CACNA1C: variants seen among roughly 807,000 people sequenced by gnomAD.
CACNA1C encodes the protein calcium voltage-gated channel subunit alpha1 C.
A neutral mutation model predicts 229.0 loss-of-function variants in CACNA1C; 30 were observed. That is an observed-to-expected ratio of 0.13 (90% CI 0.10 to 0.18). The LOEUF (loss-of-function observed/expected upper bound fraction) is 0.18, where lower values mean the gene tolerates loss of function less well. Among genes scored for constraint, CACNA1C ranks in the 10% least tolerant of loss-of-function variants. The pLI is 1.00. For missense variants in CACNA1C, 1,658 were observed against 2,845.0 expected (o/e 0.58, Z 9.49); for synonymous variants, 1,114 against 1,132.5 (o/e 0.98, Z 0.33).
chr12:2,093,193 G>T (rs1389277444), intron 1 of CACNA1C, among the ~76,000 whole-genome samples: 1 of 152,224 alleles, frequency 6.6e-6, no homozygotes. Flanking sequence ...GAGAGTGTAC[G>T]TGGGTATGTG....
chr12:2,410,722 G>A lies in CACNA1C; in HGVS notation c.478-38254G>A, dbSNP rs1057156479. Among the ~76,000 whole-genome samples the A allele has an allele frequency of 1.1e-4, 17 of 148,766 alleles. No homozygotes were observed. The highest frequency in any genetic ancestry group is 4.0e-4 in the African/African-American group (16 of 40,470). On this transcript the variant is annotated intron_variant, in intron 3 of 46. Transcript: ENST00000399655. The surrounding 1 kb of genome is among the most constrained non-coding windows in gnomAD (Gnocchi z 5.3). ...CCTGTGTGTGTGTGTGTGCGTGCACGCATGTGTGTGTGTGCATGCGTGTGT... is the reference window on the plus strand; with the variant it reads ...CCTGTGTGTGTGTGTGTGCGTGCACACATGTGTGTGTGTGCATGCGTGTGT...
At chr12:2,066,884 C>G (rs971306542) in intron 1 of CACNA1C, among the ~76,000 whole-genome samples, 1 of 151,724 alleles carries the variant, frequency 6.6e-6, no homozygotes, top group Non-Finnish European at 1.5e-5. Context: ...GGGCCTCGGG[C>G]AGGGGTGCTG....
chr12:2,090,221 A>C (rs1448630237), intron 1 of CACNA1C, among the ~76,000 whole-genome samples: 1 of 151,698 alleles, frequency 6.6e-6, no homozygotes, highest in East Asian at 1.9e-4. Context: ...ACGTAGCATA[A>C]TGGACTGAAA....
In CACNA1C at chr12:2,679,440, A is replaced by G. The variant is rs764167894; in HGVS notation, c.5092-4A>G. 5.2e-6 allele frequency: 8 copies of G among 1,537,310 alleles called. No individual in the cohort carries two copies. In the East Asian group the frequency reaches 1.9e-4, roughly 36 times the overall value. Reference sequence around the variant, plus strand: ...CTCCACCCACCCCTCCTTCTTGCCTACAGAGGGCCGGTGGCCTGTTCGGCA... The same window carrying G: ...CTCCACCCACCCCTCCTTCTTGCCTGCAGAGGGCCGGTGGCCTGTTCGGCA... On this transcript the variant is annotated splice_polypyrimidine_tract_variant and splice_region_variant and intron_variant, in intron 41 of 46. Transcript: ENST00000399655. The surrounding 1 kb of genome is among the most constrained non-coding windows in gnomAD (Gnocchi z 5.5).
At chr12:2,274,504 G>T (rs2086781889) in intron 3 of CACNA1C, among the ~76,000 whole-genome samples, 1 of 152,234 alleles carries the variant, frequency 6.6e-6, no homozygotes, top group Non-Finnish European at 1.5e-5. Flanking sequence ...CTGCTCTGGT[G>T]AGACTTGTGA....
rs1460781654 is a variant in CACNA1C, at chr12:2,647,822, T to TA, written c.3913-647dup. On this transcript the variant is annotated intron_variant, in intron 30 of 46. Coordinates refer to ENST00000399655, the MANE Select transcript of CACNA1C (RefSeq NM_000719.7). The surrounding 1 kb of genome is among the most constrained non-coding windows in gnomAD (Gnocchi z 4.2). The stretch of plus-strand genomic sequence containing the variant: ...GTCCTCATAGGTTAACAATGGCTAA[T>TA]AAAAAACAAATTAAAACAGGCTTGG... Among the ~76,000 whole-genome samples, 11 of 151,884 alleles carry TA rather than the reference T, an allele frequency of 7.2e-5. No individual in the cohort carries two copies. The highest frequency in any genetic ancestry group is 2.7e-4 in the African/African-American group (11 of 41,282).
chr12:2,116,371 C>CTTTT (rs869196313), intron 2 of CACNA1C, among the ~76,000 whole-genome samples: 1 of 136,826 alleles, frequency 7.3e-6, no homozygotes, highest in South Asian at 2.3e-4. Context: ...TTGGGAAGGA[C>CTTTT]TTTTTTTTTT....
intron 3 of CACNA1C, among the ~76,000 whole-genome samples, chr12:2,443,005 A>G (rs2099243566): frequency 6.6e-6 from 1 of 152,078 alleles, no homozygotes; most frequent in African/African-American, 2.4e-5. Context: ...CCTTCTCCCA[A>G]ATCTCATGTC....
chr12:2,418,881 G>T (rs986684559), intron 3 of CACNA1C, among the ~76,000 whole-genome samples: 4 of 152,162 alleles, frequency 2.6e-5, no homozygotes, highest in African/African-American at 9.7e-5. Context: ...GGGATTGGGA[G>T]CTGAGGGGTT....
chr12:2,687,841 G>T (rs926911971), intron 45 of CACNA1C, among the ~76,000 whole-genome samples: 1 of 152,182 alleles, frequency 6.6e-6, no homozygotes, highest in Non-Finnish European at 1.5e-5. Context: ...TCCCAGCCCT[G>T]AATCTTTTAA....
At chr12:2,076,397 T>C (rs2063198911) in intron 1 of CACNA1C, among the ~76,000 whole-genome samples, 1 of 152,170 alleles carries the variant, frequency 6.6e-6, no homozygotes, top group South Asian at 2.1e-4. Context: ...ATAAAGGGGC[T>C]CGTACACATA....
At chr12:2,321,935 A>T (rs1173321183) in intron 3 of CACNA1C, among the ~76,000 whole-genome samples, 1 of 152,226 alleles carries the variant, frequency 6.6e-6, no homozygotes, top group Non-Finnish European at 1.5e-5. Context: ...ACATCAGAGA[A>T]TCTTCCACCT....
At chr12:2,481,961 A>T (rs1302638260) in intron 5 of CACNA1C, among the ~76,000 whole-genome samples, 4 of 152,276 alleles carry the variant, frequency 2.6e-5, no homozygotes, top group Admixed American at 2.0e-4. Context: ...AGCATGGCCT[A>T]TCTGAGAACA....
chr12:2,577,753 CT>C (rs2058953632), intron 13 of CACNA1C, among the ~76,000 whole-genome samples: 1 of 152,218 alleles, frequency 6.6e-6, no homozygotes, highest in Non-Finnish European at 1.5e-5. Flanking sequence ...TCATCACCTG[CT>C]TTGGGCCAGG....
chr12:2,458,421 C>A (rs1294830778), intron 5 of CACNA1C, among the ~76,000 whole-genome samples: 1 of 152,232 alleles, frequency 6.6e-6, no homozygotes, highest in African/African-American at 2.4e-5. Flanking sequence ...TGGCTTCAGG[C>A]CCCCTGGGAA....
At chr12:2,469,367 G>A (rs1251174603) in intron 5 of CACNA1C, among the ~76,000 whole-genome samples, 7 of 152,346 alleles carry the variant, frequency 4.6e-5, no homozygotes, top group African/African-American at 1.7e-4. Context: ...CGAGCCACCA[G>A]TCCGTTTCTT....
intron 29 of CACNA1C, among the ~76,000 whole-genome samples, chr12:2,631,277 C>T (rs2090281828): frequency 6.6e-6 from 1 of 152,160 alleles, no homozygotes; most frequent in African/African-American, 2.4e-5. Flanking sequence ...CCTCTCTCTC[C>T]TCCTCCTCCC....
At chr12:2,322,926 G>GC (rs956743967) in intron 3 of CACNA1C, among the ~76,000 whole-genome samples, 1 of 152,216 alleles carries the variant, frequency 6.6e-6, no homozygotes, top group Non-Finnish European at 1.5e-5. Flanking sequence ...CCCTCCGCCT[G>GC]CCTGCTGCAC....
At chr12:2,347,995 G>A (rs754985908) in intron 3 of CACNA1C, among the ~76,000 whole-genome samples, 7 of 152,254 alleles carry the variant, frequency 4.6e-5, no homozygotes, top group Non-Finnish European at 1.0e-4. Context: ...GTTGGAAACA[G>A]TCTTTGGTAC....
Sources: allele counts gnomAD v4.1 joint callset (sites outside exome capture counted in the v4.1 genomes callset), GRCh38; gene constraint gnomAD v4.1.1; non-coding constraint Gnocchi (gnomAD v3.1); transcripts MANE v1.5; gene names NCBI Gene and HGNC (gene_info 2026-07-23, HGNC 2026-07-21).